NYAP2: variants seen among roughly 807,000 people sequenced by gnomAD.
NYAP2 encodes the protein neuronal tyrosine-phosphorylated phosphoinositide-3-kinase adapter 2.
NYAP2 carries 23 observed loss-of-function variants against 50.4 expected under a neutral mutation model. That is an observed-to-expected ratio of 0.46 (90% CI 0.33 to 0.65). The LOEUF (loss-of-function observed/expected upper bound fraction) is 0.65. Ranked by LOEUF, NYAP2 falls within the 30% of genes least tolerant of loss-of-function variation. The pLI, the probability that NYAP2 is intolerant of heterozygous loss-of-function variation, is 0.02. For missense variants in NYAP2, 885 were observed against 861.0 expected (o/e 1.03, Z -0.35); for synonymous variants, 394 against 365.2 (o/e 1.08, Z -0.90).
At chr2:225,595,668 C>G (rs1692583693) in intron 5 of NYAP2, among the ~76,000 whole-genome samples, 1 of 152,200 alleles carries the variant, frequency 6.6e-6, no homozygotes, top group Non-Finnish European at 1.5e-5. Flanking sequence ...TCACTTGTAG[C>G]CTGCAGAATT....
the NYAP2 span, among the ~76,000 whole-genome samples, chr2:225,690,137 A>G: frequency 6.6e-6 from 1 of 152,126 alleles, no homozygotes; most frequent in African/African-American, 2.4e-5. Flanking sequence ...TTAATTGTAA[A>G]CCCACATGAA....
In NYAP2 at chr2:225,426,905, G is replaced by C. The variant is rs568458582; in HGVS notation, c.221+17804G>C. 2.6e-5 allele frequency among the ~76,000 whole-genome samples: 4 copies of C among 152,300 alleles called. No individual in the cohort carries two copies. In the South Asian group the frequency reaches 8.3e-4, roughly 32 times the overall value. ...ATCCCGTATTTTACAGTTTTTCTCA[G>C]ATTTGGATTAAAATGTAATGTCATC... On this transcript the variant is annotated intron_variant, in intron 3 of 6. Coordinates refer to ENST00000636099, the Ensembl canonical transcript of NYAP2.
At chr2:225,457,241 G>A (rs1327363341) in intron 3 of NYAP2, among the ~76,000 whole-genome samples, 1 of 152,136 alleles carries the variant, frequency 6.6e-6, no homozygotes, top group Non-Finnish European at 1.5e-5. Context: ...TGAAACTAGT[G>A]CAGAATAGAA....
intron 3 of NYAP2, among the ~76,000 whole-genome samples, chr2:225,488,782 T>A (rs1375049266): frequency 6.6e-6 from 1 of 152,186 alleles, no homozygotes; most frequent in Non-Finnish European, 1.5e-5. Flanking sequence ...TAAGAGACAC[T>A]CTTTTGGGAC....
chr2:225,413,943 A>G (rs902428080), intron 3 of NYAP2, among the ~76,000 whole-genome samples: 1 of 152,232 alleles, frequency 6.6e-6, no homozygotes, highest in Non-Finnish European at 1.5e-5. Context: ...AGAAACGTGC[A>G]GACTGCCAAG....
chr2:225,458,557 C>T (rs1366232632), intron 3 of NYAP2, among the ~76,000 whole-genome samples: 1 of 152,112 alleles, frequency 6.6e-6, no homozygotes, highest in Non-Finnish European at 1.5e-5. Flanking sequence ...CTGCTTTGTG[C>T]TGGGGAAACA....
chr2:225,497,660 C>T (rs758900350), intron 3 of NYAP2, among the ~76,000 whole-genome samples: 2 of 152,194 alleles, frequency 1.3e-5, no homozygotes, highest in Non-Finnish European at 2.9e-5. Context: ...GGTATTACTA[C>T]CTCACTGGAT....
At chr2:225,607,246 G>A (rs1341665541) in intron 5 of NYAP2, among the ~76,000 whole-genome samples, 1 of 152,060 alleles carries the variant, frequency 6.6e-6, no homozygotes, top group African/African-American at 2.4e-5. Context: ...TGGGTACACA[G>A]AGGCAGAGAA....
intron 5 of NYAP2, among the ~76,000 whole-genome samples, chr2:225,620,355 T>G (rs1180412004): frequency 6.6e-6 from 1 of 152,204 alleles, no homozygotes; most frequent in African/African-American, 2.4e-5. Context: ...GAAGCAGTTC[T>G]TGAATACATA....
At chr2:225,404,669 G>C (rs918746366) in intron 2 of NYAP2, among the ~76,000 whole-genome samples, 2 of 151,732 alleles carry the variant, frequency 1.3e-5, no homozygotes, top group Admixed American at 1.3e-4. Context: ...CTTTGTGAAG[G>C]GTGTGGTCAA....
At chr2:225,694,376 A>G in the NYAP2 span, among the ~76,000 whole-genome samples, 4 of 151,744 alleles carry the variant, frequency 2.6e-5, no homozygotes, top group Non-Finnish European at 4.4e-5. Context: ...GCAATTTTTT[A>G]TGGGTAGTAT....
At chr2:225,690,152 C>T in the NYAP2 span, among the ~76,000 whole-genome samples, 1 of 152,102 alleles carries the variant, frequency 6.6e-6, no homozygotes, top group African/African-American at 2.4e-5. Context: ...CATGAATTAT[C>T]TGACTGTTCC....
intron 3 of NYAP2, among the ~76,000 whole-genome samples, chr2:225,485,432 G>A (rs1690273898): frequency 6.6e-6 from 1 of 152,188 alleles, no homozygotes; most frequent in South Asian, 2.1e-4. Context: ...TTCTAAGTTA[G>A]GTTTGTGCTC....
intron 4 of NYAP2, 80 bp from the exon 5 acceptor site, chr2:225,581,861 G>A: frequency 7.3e-7 from 1 of 1,377,914 alleles, no homozygotes. Context: ...AAAGTTTATT[G>A]TAGTAAACCC....
At chr2:225,406,857 CTT>C (rs1694947741) in intron 2 of NYAP2, among the ~76,000 whole-genome samples, 2 of 152,006 alleles carry the variant, frequency 1.3e-5, no homozygotes, top group East Asian at 1.9e-4. Context: ...AACAAATAAA[CTT>C]ATTGATATTT....
At chr2:225,428,467 G>C (rs1362636222) in intron 3 of NYAP2, among the ~76,000 whole-genome samples, 1 of 152,254 alleles carries the variant, frequency 6.6e-6, no homozygotes, top group East Asian at 1.9e-4. Context: ...TTGGGCATTT[G>C]TACCATAAGG....
chr2:225,502,873 A>T (rs1329426265), intron 3 of NYAP2, among the ~76,000 whole-genome samples: 1 of 152,074 alleles, frequency 6.6e-6, no homozygotes, highest in Non-Finnish European at 1.5e-5. Flanking sequence ...GACCCTGACC[A>T]CTCTGTTCTG....
At chr2:225,513,796 C>T in intron 4 of NYAP2, 124 bp downstream of exon 4, 1 of 647,634 alleles carries the variant, frequency 1.5e-6, no homozygotes, top group Non-Finnish European at 2.3e-6. Context: ...CCTGAAGTCC[C>T]AGAAAAGAAG....
Position 225,550,553 on chromosome 2 carries a change from T to C in NYAP2, c.524-31388T>C, listed in dbSNP as rs188462163. ...TTAGAGAGGAGGCAAACATAATTTT[T>C]TGAGACAGTTGCCCATAAAAAGAAG... On this transcript the variant is annotated intron_variant, in intron 4 of 6. Coordinates refer to ENST00000636099, the Ensembl canonical transcript of NYAP2. 5.5e-3 allele frequency among the ~76,000 whole-genome samples: 843 copies of C among 152,266 alleles called. 12 individuals are homozygous for C. The highest frequency in any genetic ancestry group is 0.019 in the African/African-American group (809 of 41,552).
Sources: allele counts gnomAD v4.1 joint callset (sites outside exome capture counted in the v4.1 genomes callset), GRCh38; gene constraint gnomAD v4.1.1; transcripts MANE v1.5; gene names NCBI Gene and HGNC (gene_info 2026-07-23, HGNC 2026-07-21).